The following SPNS2 variants were observed in gnomAD, a reference collection of about 807,000 sequenced individuals.
SPNS2 encodes the protein sphingosine-1-phosphate transporter SPNS2.
A neutral mutation model predicts 57.6 loss-of-function variants in SPNS2; 37 were observed. The ratio of observed to expected loss-of-function variants is 0.64; its 90% confidence interval spans 0.49 to 0.85. SPNS2 has a LOEUF of 0.85. Ranked by LOEUF, SPNS2 falls within the 40% of genes least tolerant of loss-of-function variation. The pLI is 0.00. For missense variants in SPNS2, 831 were observed against 779.1 expected (o/e 1.07, Z -0.79); for synonymous variants, 440 against 346.9 (o/e 1.27, Z -2.98).
intron 9 of SPNS2, among the ~76,000 whole-genome samples, chr17:4,535,562 A>G (rs1027679084): frequency 6.6e-6 from 1 of 152,160 alleles, no homozygotes; most frequent in Non-Finnish European, 1.5e-5. Context: ...CGCGCTGGAG[A>G]GGCAGCAGCA....
At position 4,538,867 on chromosome 17, in the gene SPNS2, C is replaced by G; in HGVS notation, c.*1419C>G. On this transcript the variant is annotated 3_prime_UTR_variant, in exon 13 of 13. Transcript: ENST00000329078. ...CACTCCAGCCTCAGCGGGGCCCCAG[C>G]GATGTTTTCTTGTTGTACAAGAACC... 2 of 780,814 alleles carry G rather than the reference C, an allele frequency of 2.6e-6. No individual in the cohort carries two copies. The highest frequency in any genetic ancestry group is 1.3e-5 in the South Asian group (1 of 74,578). 48.4% of individuals were successfully genotyped at this position (780,814 alleles called of 1,614,324 possible).
rs1906014723 is a variant in SPNS2, at chr17:4,538,624, T to C, written c.*1176T>C. 6 of 475,760 alleles carry C rather than the reference T, an allele frequency of 1.3e-5. No homozygotes were observed. Among genetic ancestry groups the C allele is most frequent in the Non-Finnish European group, 2.3e-5 (6 of 264,620 alleles). The allele number at this position is 475,760 out of a possible 1,614,324, so 29.5% of individuals were successfully genotyped here. A position where few individuals can be genotyped will look rare whatever the true frequency, so the allele number is the denominator to read the frequency against. ...TCTGCTGCAATCAAGGTGGTTCTGG[T>C]GCGGGGGTGGGGTGGGGGGTGAGGC... is the stretch of plus-strand genomic sequence containing the variant. On this transcript the variant is annotated 3_prime_UTR_variant, in exon 13 of 13. Coordinates refer to ENST00000329078, the MANE Select transcript of SPNS2 (RefSeq NM_001124758.3).
At chr17:4,508,586 G>C (rs73972604) in intron 1 of SPNS2, among the ~76,000 whole-genome samples, 8,972 of 152,230 alleles carry the variant, frequency 0.059, 795 homozygotes, top group African/African-American at 0.19. Flanking sequence ...GGTGGGCACT[G>C]TGGTTGGGAG....
At chr17:4,507,123 C>T (rs557111178) in intron 1 of SPNS2, among the ~76,000 whole-genome samples, 31 of 152,322 alleles carry the variant, frequency 2.0e-4, no homozygotes, top group African/African-American at 7.5e-4. Flanking sequence ...AGCCATCCAG[C>T]GCCAGGTCAG....
chr17:4,531,905 G>A (rs1196661134), intron 5 of SPNS2, among the ~76,000 whole-genome samples: 1 of 152,154 alleles, frequency 6.6e-6, no homozygotes, highest in Non-Finnish European at 1.5e-5. Context: ...AAGGGCTCGG[G>A]AGCCTCTGTG....
rs1567588531 is a variant in SPNS2, at chr17:4,511,178, C to T, written c.371-2069C>T. 6.6e-6 allele frequency among the ~76,000 whole-genome samples: 1 copy of T among 152,170 alleles called. No individual in the cohort carries two copies. The highest frequency in any genetic ancestry group is 1.5e-5 in the Non-Finnish European group (1 of 68,046). Reference sequence around the variant, plus strand: ...TATAGAACCCACTCATCCTGGTAGGCCCAGTGCTAAAACGAGTTTGGACAG... The same window carrying T: ...TATAGAACCCACTCATCCTGGTAGGTCCAGTGCTAAAACGAGTTTGGACAG... On this transcript the variant is annotated intron_variant, in intron 1 of 12. Transcript: ENST00000329078. The surrounding 1 kb of genome is among the most constrained non-coding windows in gnomAD (Gnocchi z 4.6).
intron 3 of SPNS2, among the ~76,000 whole-genome samples, chr17:4,528,538 C>T (rs982887165): frequency 4.6e-5 from 7 of 152,026 alleles, no homozygotes; most frequent in African/African-American, 1.2e-4. Flanking sequence ...TCTCGGCTCA[C>T]TGCAACCTCT....
At chr17:4,520,903 A>G (rs549204988) in intron 2 of SPNS2, among the ~76,000 whole-genome samples, 1 of 152,358 alleles carries the variant, frequency 6.6e-6, no homozygotes, top group East Asian at 1.9e-4. Context: ...GGCCTTGCCT[A>G]TATATCCATA....
rs949860961 is a variant in SPNS2, at chr17:4,510,590, C to T, written c.371-2657C>T. On this transcript the variant is annotated intron_variant, in intron 1 of 12. Transcript: ENST00000329078. This position sits in a 1 kb window ranked among gnomAD's most constrained non-coding sequence, Gnocchi z 4.4. ...CATCATGATGGCTATTTTGATATGG[C>T]CTCCCTCCCAGAAATGGAACCTGCA... Among the ~76,000 whole-genome samples, 4 of 152,134 alleles carry T rather than the reference C, an allele frequency of 2.6e-5. No homozygotes were observed. The highest frequency in any genetic ancestry group is 9.7e-5 in the African/African-American group (4 of 41,430).
intron 6 of SPNS2, 25 bp downstream of exon 6, chr17:4,532,709 G>GC: frequency 1.9e-6 from 3 of 1,609,792 alleles, no homozygotes. Flanking sequence ...AAGGGGTCTG[G>GC]TGGGAAGAGA....
At chr17:4,532,797 G>A (rs1361609494) in intron 6 of SPNS2, 113 bp downstream of exon 6, 3 of 1,461,142 alleles carry the variant, frequency 2.1e-6, no homozygotes, top group African/African-American at 2.8e-5. Flanking sequence ...CACCTCTGCT[G>A]TCTCAGTGCT....
At chr17:4,521,348 TC>T (rs2144339902) in intron 2 of SPNS2, among the ~76,000 whole-genome samples, 1 of 152,328 alleles carries the variant, frequency 6.6e-6, no homozygotes, top group African/African-American at 2.4e-5. Flanking sequence ...CTCAGGCAGG[TC>T]CTTGGAGGCA....
intron 2 of SPNS2, 24 bp from the exon 3 acceptor site, chr17:4,525,033 C>A (rs772124277): frequency 3.1e-6 from 5 of 1,609,600 alleles, no homozygotes; most frequent in South Asian, 2.2e-5. Flanking sequence ...CTGGGCCCCC[C>A]CTCAAGCTCT....
At chr17:4,518,690 G>A (rs1905061532) in intron 2 of SPNS2, among the ~76,000 whole-genome samples, 1 of 152,180 alleles carries the variant, frequency 6.6e-6, no homozygotes, top group Non-Finnish European at 1.5e-5. Context: ...GAGGGAGAGT[G>A]GGGACAGAGG....
At chr17:4,526,890 C>A (rs1454729460) in intron 3 of SPNS2, among the ~76,000 whole-genome samples, 4 of 152,148 alleles carry the variant, frequency 2.6e-5, no homozygotes, top group Non-Finnish European at 5.9e-5. Context: ...AAGCTCCAGG[C>A]CCAGGATGGC....
At chr17:4,519,380 C>G (rs948376997) in intron 2 of SPNS2, among the ~76,000 whole-genome samples, 1 of 152,040 alleles carries the variant, frequency 6.6e-6, no homozygotes, top group Non-Finnish European at 1.5e-5. Flanking sequence ...ACCAGGACAC[C>G]GAGGGCCCGT....
chr17:4,513,425 AAG>A (rs1329735677), intron 2 of SPNS2, 113 bp downstream of exon 2: 1 of 1,146,498 alleles, frequency 8.7e-7, no homozygotes, highest in Non-Finnish European at 1.3e-6. Context: ...GACTCCTGGA[AAG>A]AGAGTGGGCT....
At chr17:4,528,527 A>T (rs1905328114) in intron 3 of SPNS2, among the ~76,000 whole-genome samples, 1 of 151,984 alleles carries the variant, frequency 6.6e-6, no homozygotes, top group African/African-American at 2.4e-5. Context: ...CAGTGGCACA[A>T]TCTCGGCTCA....
At chr17:4,516,244 G>C (rs1447818998) in intron 2 of SPNS2, among the ~76,000 whole-genome samples, 1 of 150,626 alleles carries the variant, frequency 6.6e-6, no homozygotes, top group South Asian at 2.1e-4. Flanking sequence ...AAGCCAGGAG[G>C]CGGAGATTGC....
Sources: gnomAD v4.1 joint callset for allele counts (sites outside exome capture counted in the v4.1 genomes callset) on GRCh38, gnomAD v4.1.1 for gene constraint, Gnocchi (gnomAD v3.1) non-coding constraint, MANE v1.5 for transcripts, NCBI Gene and HGNC (gene_info 2026-07-23, HGNC 2026-07-21) for gene names.